The following LIPC variants were observed in gnomAD, a reference collection of about 807,000 sequenced individuals.
LIPC encodes the protein hepatic triacylglycerol lipase.
In LIPC, 44 loss-of-function variants were observed where a neutral mutation model predicts 50.7. The ratio of observed to expected loss-of-function variants is 0.87; its 90% CI spans 0.68 to 1.11. The LOEUF (loss-of-function observed/expected upper bound fraction) is 1.11. Ranked by LOEUF, LIPC falls within the 50% of genes most tolerant of loss-of-function variation. LIPC has a pLI of 0.00. For missense variants in LIPC, 697 were observed against 648.2 expected (o/e 1.08, Z -0.82); for synonymous variants, 271 against 256.4 (o/e 1.06, Z -0.54).
chr15:58,564,255 G>A (rs906892119), intron 8 of LIPC, among the ~76,000 whole-genome samples: 2 of 151,642 alleles, frequency 1.3e-5, no homozygotes, highest in East Asian at 1.9e-4. Flanking sequence ...GGACCTACCC[G>A]CAGATTCATG....
chr15:58,437,598 C>T (rs1407138924), intron 1 of LIPC, among the ~76,000 whole-genome samples: 1 of 151,962 alleles, frequency 6.6e-6, no homozygotes, highest in African/African-American at 2.4e-5. Flanking sequence ...CAAGACGACC[C>T]CCGGGAAAGG....
intron 1 of LIPC, among the ~76,000 whole-genome samples, chr15:58,462,573 G>T (rs1479949089): frequency 6.6e-6 from 1 of 152,220 alleles, no homozygotes; most frequent in East Asian, 1.9e-4. Flanking sequence ...CAAAGCCAAA[G>T]AAATAAATGT....
intron 4 of LIPC, among the ~76,000 whole-genome samples, chr15:58,542,994 TGA>T (rs1286326004): frequency 6.6e-6 from 1 of 152,166 alleles, no homozygotes; most frequent in African/African-American, 2.4e-5. Context: ...AGTTAAGGAG[TGA>T]AGAATCACAG....
intron 1 of LIPC, among the ~76,000 whole-genome samples, chr15:58,453,338 G>A (rs1225423594): frequency 6.6e-6 from 1 of 151,850 alleles, no homozygotes; most frequent in Non-Finnish European, 1.5e-5. Context: ...ATACAGCCTG[G>A]AACAATATGA....
At chr15:58,515,864 T>C (rs1892469077) in intron 1 of LIPC, among the ~76,000 whole-genome samples, 1 of 152,186 alleles carries the variant, frequency 6.6e-6, no homozygotes, top group Non-Finnish European at 1.5e-5. Flanking sequence ...AAGACACTTT[T>C]GAGGGAAAAT....
intron 1 of LIPC, among the ~76,000 whole-genome samples, chr15:58,438,038 T>A (rs1251965045): frequency 6.6e-6 from 1 of 152,068 alleles, no homozygotes; most frequent in African/African-American, 2.4e-5. Flanking sequence ...AGAGAGAAAC[T>A]GCAGGGCTGA....
At chr15:58,471,116 A>AT (rs1157605802) in intron 1 of LIPC, among the ~76,000 whole-genome samples, 20 of 131,858 alleles carry the variant, frequency 1.5e-4, no homozygotes, top group African/African-American at 1.7e-4. Context: ...GGTAAGTAGG[A>AT]TTTTTTTTTT....
chr15:58,496,625 A>T (rs1286626602), intron 1 of LIPC, among the ~76,000 whole-genome samples: 1 of 152,014 alleles, frequency 6.6e-6, no homozygotes, highest in Admixed American at 6.6e-5. Flanking sequence ...CAATTCTTGT[A>T]TATCATTCCA....
At chr15:58,526,583 CG>C (rs1442682040) in intron 1 of LIPC, among the ~76,000 whole-genome samples, 1 of 152,172 alleles carries the variant, frequency 6.6e-6, no homozygotes, top group Non-Finnish European at 1.5e-5. Flanking sequence ...AAAGGCACCG[CG>C]CCAAGCTACA....
At chr15:58,550,173 A>T (rs1231371672) in intron 6 of LIPC, among the ~76,000 whole-genome samples, 7 of 152,114 alleles carry the variant, frequency 4.6e-5, no homozygotes, top group Non-Finnish European at 8.8e-5. Context: ...GATTTTTAAA[A>T]ACTCCTAAAC....
chr15:58,529,438 G>A (rs1240326966), intron 1 of LIPC, among the ~76,000 whole-genome samples: 1 of 152,158 alleles, frequency 6.6e-6, no homozygotes, highest in Non-Finnish European at 1.5e-5. Flanking sequence ...GTGTTTGAAG[G>A]GTGAAGGTCA....
chr15:58,479,864 C>T (rs1428143795), intron 1 of LIPC, among the ~76,000 whole-genome samples: 1 of 152,142 alleles, frequency 6.6e-6, no homozygotes, highest in Admixed American at 6.5e-5. Context: ...TCACCATTAA[C>T]CCCCCAGCTT....
chr15:58,485,513 C>T (rs956073805), intron 1 of LIPC, among the ~76,000 whole-genome samples: 4 of 152,170 alleles, frequency 2.6e-5, no homozygotes, highest in Non-Finnish European at 4.4e-5. Context: ...GACCCTCGCA[C>T]GTGCTGATCT....
intron 1 of LIPC, chr15:58,436,248 A>G (rs1374140290): frequency 1.3e-5 from 2 of 159,376 alleles, no homozygotes; most frequent in African/African-American, 4.8e-5. Flanking sequence ...GCATGTAAAC[A>G]GTAGATTTGA....
At chr15:58,471,331 G>GGGA (rs1253543611) in intron 1 of LIPC, among the ~76,000 whole-genome samples, 6 of 139,002 alleles carry the variant, frequency 4.3e-5, no homozygotes, top group Non-Finnish European at 7.8e-5. Context: ...GTAGAGATGG[G>GGGA]GGGGGGTGGT....
intron 6 of LIPC, among the ~76,000 whole-genome samples, chr15:58,557,092 TTC>T (rs1292629465): frequency 2.0e-5 from 3 of 152,200 alleles, no homozygotes; most frequent in African/African-American, 7.2e-5. Flanking sequence ...ATTCAACTTT[TTC>T]CTTAGAATAT....
chr15:58,561,476 G>C (rs577866802), intron 7 of LIPC, among the ~76,000 whole-genome samples: 2 of 152,164 alleles, frequency 1.3e-5, no homozygotes, highest in Non-Finnish European at 2.9e-5. Flanking sequence ...TTATTATGCA[G>C]AAGAAGCCTC....
intron 1 of LIPC, among the ~76,000 whole-genome samples, chr15:58,519,411 A>AC (rs1459064742): frequency 3.4e-4 from 1 of 2,944 alleles, no homozygotes; most frequent in Admixed American, 0.031. Context: ...ACTCTGTCTC[A>AC]AAAAAAAAAA....
At chr15:58,565,255 T>C (rs536020266) in intron 8 of LIPC, 1 of 1,535,708 alleles carries the variant, frequency 6.5e-7, no homozygotes, top group Non-Finnish European at 8.7e-7. Context: ...ACATGACTCT[T>C]TGGCCCATTG....
Sources: allele counts gnomAD v4.1 joint callset (sites outside exome capture counted in the v4.1 genomes callset), GRCh38; gene constraint gnomAD v4.1.1; transcripts MANE v1.5; gene names NCBI Gene and HGNC (gene_info 2026-07-23, HGNC 2026-07-21).